The following CLK2 variants were observed in gnomAD, a reference collection of about 807,000 sequenced individuals.
CLK2 encodes the protein CDC like kinase 2, also known as dual specificity protein kinase CLK2.
Under a neutral mutation model 73.5 loss-of-function variants are expected in CLK2, and 12 were observed. The ratio of observed to expected loss-of-function variants is 0.16; its 90% CI spans 0.10 to 0.26. The LOEUF is 0.26. CLK2 is among the 10% of genes least tolerant of loss of function. The probability of loss-of-function intolerance (pLI) is 1.00; values close to 1 mark genes in which losing one functional copy is unlikely to be tolerated. For synonymous variants in CLK2, 232 were observed against 237.9 expected, an observed-to-expected ratio of 0.98 and a Z score of 0.23; for missense variants, 509 against 688.4, an observed-to-expected ratio of 0.74 and a Z score of 2.92.
rs1190290865 is a variant in CLK2, at chr1:155,270,860, CACT to C, written c.115_117del (p.Ser39del). 1 of 1,614,040 alleles carries C rather than the reference CACT, an allele frequency of 6.2e-7. No individual in the cohort carries two copies. The highest frequency in any genetic ancestry group is 8.5e-7 in the Non-Finnish European group (1 of 1,179,998). On this transcript the variant is annotated inframe_deletion, in exon 2 of 13. Coordinates refer to ENST00000368361, the MANE Select transcript of CLK2 (RefSeq NM_001294338.2). ...TCTCGCCGACGCCGTCGTGTCCGGT[CACT>C]ACTACTTGACCAGGAGCGACTTCTT...
rs781752901 is a variant in CLK2 at position 155,268,297 on chromosome 1, G to A, written c.550C>T (p.Arg184Cys). 182 of 1,613,790 alleles carry A rather than the reference G, an allele frequency of 1.1e-4. No individual in the cohort carries two copies. Among genetic ancestry groups the A allele is most frequent in the Non-Finnish European group, 1.3e-4 (157 of 1,179,822 alleles). Residue 184 changes from arginine (R) to cysteine (C), a missense_variant, in exon 5 of 13, where the codon CGC (arginine) becomes TGC (cysteine). Transcript: ENST00000368361. The surrounding 1 kb of genome is among the most constrained non-coding windows in gnomAD (Gnocchi z 5.6). ...TAGGGAGGGACTGACAGTTACCTGC[G>A]ATGGTCAACACATTGTACAACTCGG... The part of the protein sequence containing the change: ...FGRVVQCVDH[R>C]RGGARVALKI...
At position 155,268,606 on chromosome 1, in the gene CLK2, C is replaced by A; in HGVS notation, c.487+102G>T. On this transcript the variant is annotated intron_variant, in intron 4 of 12. Coordinates refer to ENST00000368361, the MANE Select transcript of CLK2 (RefSeq NM_001294338.2). The surrounding 1 kb of genome is among the most constrained non-coding windows in gnomAD (Gnocchi z 5.6). ...ACTCAAACCACCCAGATAAACAACA[C>A]CACTGAGAAAAGGCAAGAGGCTGTG... 1 of 1,118,126 alleles carries A rather than the reference C, an allele frequency of 8.9e-7. No homozygotes were observed. Among genetic ancestry groups the A allele is most frequent in the South Asian group, 1.3e-5 (1 of 78,870 alleles). 69.3% of individuals were successfully genotyped at this position (1,118,126 alleles called of 1,614,324 possible).
chr1:155,264,147 GAA>G, intron 11 of CLK2, 72 bp downstream of exon 11: 1 of 1,585,428 alleles, frequency 6.3e-7, no homozygotes. Flanking sequence ...AAAGAAAAAA[GAA>G]AATGATGTGA....
Position 155,273,401 on chromosome 1 carries a change from T to C in CLK2, c.-201A>G, listed in dbSNP as rs1673605544. 6.9e-6 allele frequency: 1 copy of C among 144,634 alleles called. No homozygotes were observed. The highest frequency in any genetic ancestry group is 1.5e-5 in the Non-Finnish European group (1 of 66,140). 9.0% of individuals were successfully genotyped at this position (144,634 alleles called of 1,614,324 possible). On this transcript the variant is annotated 5_prime_UTR_variant, in exon 1 of 13. Coordinates refer to ENST00000368361, the MANE Select transcript of CLK2 (RefSeq NM_001294338.2). ...CTCCGTCCCCGCCCCTAAGATCTGC[T>C]TGGCGCCGCTCGCACCGCCCCCGCC... is the stretch of plus-strand genomic sequence containing the variant.
chr1:155,267,283 G>C (rs1023811515), intron 6 of CLK2, among the ~76,000 whole-genome samples: 1 of 152,040 alleles, frequency 6.6e-6, no homozygotes, highest in Non-Finnish European at 1.5e-5. Context: ...AGTACAGACG[G>C]GGTTTCACCA....
chr1:155,263,463 A>T (rs1673082277), intron 12 of CLK2, 63 bp from the exon 13 acceptor site: 1 of 1,580,886 alleles, frequency 6.3e-7, no homozygotes, highest in Non-Finnish European at 8.6e-7. Context: ...CTTCTTCAAG[A>T]CCCTACCTTT....
chr1:155,271,789 A>G (rs1455046264), intron 1 of CLK2, among the ~76,000 whole-genome samples: 3 of 152,178 alleles, frequency 2.0e-5, no homozygotes, highest in African/African-American at 7.2e-5. Context: ...CAGTGTCCTG[A>G]GGGTAGGAAT....
At chr1:155,265,045 C>T (rs908535884) in intron 8 of CLK2, among the ~76,000 whole-genome samples, 2 of 152,044 alleles carry the variant, frequency 1.3e-5, no homozygotes, top group Admixed American at 6.6e-5. Flanking sequence ...TATAGTTATT[C>T]TGAAAACATG....
rs1314816581 is a variant in CLK2 at position 155,262,996 on chromosome 1, G to A, written c.*222C>T. 4.2e-6 allele frequency: 2 copies of A among 470,692 alleles called. No homozygotes were observed. Among genetic ancestry groups the A allele is most frequent in the South Asian group, 4.9e-5 (1 of 20,248 alleles). 29.2% of individuals were successfully genotyped at this position (470,692 alleles called of 1,614,324 possible). ...CAACTCCGTATGAGGGGGCAGGTGA[G>A]GGTGGAAACTGTGTGGATGGAATAG... On this transcript the variant is annotated 3_prime_UTR_variant, in exon 13 of 13. Transcript: ENST00000368361.
At position 155,262,908 on chromosome 1, in the gene CLK2, T is replaced by G. The variant is rs1016327653; in HGVS notation, c.*310A>C. On this transcript the variant is annotated 3_prime_UTR_variant, in exon 13 of 13. Transcript: ENST00000368361. ...GCACGTTATTTTATTTCACAAAGAC[T>G]GTACAAAATTCCTTATAAAACATGG... is the stretch of plus-strand genomic sequence containing the variant. 3.2e-6 allele frequency: 1 copy of G among 307,742 alleles called. No individual in the cohort carries two copies. Among genetic ancestry groups the G allele is most frequent in the Admixed American group, 4.7e-5 (1 of 21,354 alleles). The allele number at this position is 307,742 out of a possible 1,614,324, so 19.1% of individuals were successfully genotyped here.
chr1:155,264,014 C>T lies in CLK2; in HGVS notation c.1253G>A (p.Arg418His), dbSNP rs777248821. The T allele has an allele frequency of 3.2e-5, 52 of 1,613,982 alleles. No individual in the cohort carries two copies. The highest frequency in any genetic ancestry group is 4.1e-5 in the Non-Finnish European group (48 of 1,179,994). The change falls in exon 12 of 13, where the codon CGC (arginine) becomes CAC (histidine). Residue 418 changes from arginine (R) to histidine (H), a missense_variant. Physicochemically the swap from Arg to His is conservative, Grantham distance 29 (BLOSUM62 0). Around this residue, in one of 6 missense-constraint regions of CLK2, gnomAD observed 134 missense variants for 146.0 expected, o/e 0.92. Coordinates refer to ENST00000368361, the MANE Select transcript of CLK2 (RefSeq NM_001294338.2). The part of the protein sequence containing the change: ...TRKQKYFYRG[R>H]LDWDENTSAG... ...TGATGTGTTCTCATCCCAATCCAGG[C>T]GACCCCGGTAAAAATATTTCTGCTT...
intron 10 of CLK2, 22 bp from the exon 11 acceptor site, chr1:155,264,322 G>A (rs369124429): frequency 4.3e-6 from 7 of 1,613,666 alleles, no homozygotes; most frequent in Non-Finnish European, 4.2e-6. Context: ...AAACAGAACT[G>A]AGCATGGGAC....
Position 155,268,861 on chromosome 1 carries a change from T to A in CLK2, c.400-66A>T. 1 of 237,798 alleles carries A rather than the reference T, an allele frequency of 4.2e-6. No individual in the cohort carries two copies. Among genetic ancestry groups the A allele is most frequent in the Non-Finnish European group, 7.5e-6 (1 of 134,188 alleles). The allele number at this position is 237,798 out of a possible 1,614,324, so 14.7% of individuals were successfully genotyped here. A position where few individuals can be genotyped will look rare whatever the true frequency, so the allele number is the denominator to read the frequency against. ...GAGCGGGGGCCGGAGGGAGGCGGGG[T>A]GGGTGGTAGAGGGGTCACCGGTCAC... On this transcript the variant is annotated intron_variant, in intron 3 of 12. Transcript: ENST00000368361. This position sits in a 1 kb window ranked among gnomAD's most constrained non-coding sequence, Gnocchi z 5.6.
chr1:155,264,815 A>C, intron 8 of CLK2, 41 bp from the exon 9 acceptor site: 1 of 1,608,122 alleles, frequency 6.2e-7, no homozygotes, highest in Non-Finnish European at 8.5e-7. Flanking sequence ...CTGCACCCAG[A>C]CTGAGATTCC....
At chr1:155,264,955 G>T (rs1457958088) in intron 8 of CLK2, among the ~76,000 whole-genome samples, 181 bp from the exon 9 acceptor site, 1 of 152,168 alleles carries the variant, frequency 6.6e-6, no homozygotes, top group African/African-American at 2.4e-5. Flanking sequence ...TAGAAGTAGG[G>T]GAGCAAAAGG....
Position 155,270,880 on chromosome 1 carries a change from C to A in CLK2, c.98G>T (p.Arg33Leu), listed in dbSNP as rs760329747. The change falls in exon 2 of 13, where the codon CGC (arginine) becomes CTC (leucine). Residue 33 changes from arginine (R) to leucine (L), a missense_variant. Around this residue, in one of 6 missense-constraint regions of CLK2, gnomAD observed 222 missense variants for 221.7 expected, o/e 1.00. Coordinates refer to ENST00000368361, the MANE Select transcript of CLK2 (RefSeq NM_001294338.2). The stretch of plus-strand genomic sequence containing the variant: ...CCGGTCACTACTACTTGACCAGGAG[C>A]GACTTCTTCGTCGCTTATGCTTTCG... ...RSRKHKRRRS[R>L]SWSSSSDRTR... 4 of 1,614,182 alleles carry A rather than the reference C, an allele frequency of 2.5e-6. No individual in the cohort carries two copies. In the South Asian group the frequency reaches 4.4e-5, roughly 18 times the overall value.
chr1:155,266,949 T>A, intron 6 of CLK2, 54 bp from the exon 7 acceptor site: 2 of 1,586,846 alleles, frequency 1.3e-6, no homozygotes, highest in Non-Finnish European at 1.7e-6. Flanking sequence ...CATCTGCCCA[T>A]CAGCCATCCA....
At chr1:155,266,945 C>T in intron 6 of CLK2, 50 bp from the exon 7 acceptor site, 1 of 1,587,508 alleles carries the variant, frequency 6.3e-7, no homozygotes, top group South Asian at 1.1e-5. Context: ...CTCCCATCTG[C>T]CCATCAGCCA....
intron 8 of CLK2, 120 bp from the exon 9 acceptor site, chr1:155,264,894 C>T: frequency 7.9e-7 from 1 of 1,260,812 alleles, no homozygotes; most frequent in Non-Finnish European, 1.1e-6. Context: ...GCCTTACAAG[C>T]CCTGGGAAAT....
Sources: allele counts gnomAD v4.1 joint callset (sites outside exome capture counted in the v4.1 genomes callset), GRCh38; gene constraint gnomAD v4.1.1; regional missense constraint gnomAD v4.1.1; non-coding constraint Gnocchi (gnomAD v3.1); transcripts MANE v1.5; gene names NCBI Gene and HGNC (gene_info 2026-07-23, HGNC 2026-07-21).